Variants in MCPH1 observed in about 807,000 individuals in gnomAD.
The protein encoded by MCPH1 is microcephalin.
In MCPH1, 104 loss-of-function variants were observed where a neutral mutation model predicts 84.5. The ratio of observed to expected loss-of-function variants is 1.23; its 90% CI spans 1.05 to 1.45. The LOEUF (loss-of-function observed/expected upper bound fraction) is 1.45. Ranked by LOEUF, MCPH1 falls within the 40% of genes most tolerant of loss-of-function variation. The probability of loss-of-function intolerance (pLI) is 0.00; values close to 1 mark genes in which losing one functional copy is unlikely to be tolerated. For synonymous variants in MCPH1, 514 were observed against 366.8 expected (o/e 1.40, Z -4.58); for missense variants, 1,498 against 1,005.7 (o/e 1.49, Z -6.62).
At chr8:6,500,304 G>T (rs1811901887) in intron 12 of MCPH1, 1 of 186,642 alleles carries the variant, frequency 5.4e-6, no homozygotes, top group Non-Finnish European at 1.1e-5. Context: ...CTGGTGCTGT[G>T]ATAACAGTAT....
intron 12 of MCPH1, among the ~76,000 whole-genome samples, chr8:6,570,604 GAC>G (rs1285600317): frequency 6.6e-6 from 1 of 152,172 alleles, no homozygotes; most frequent in Non-Finnish European, 1.5e-5. Flanking sequence ...ACTTCTGTTT[GAC>G]ACAGAACCAC....
chr8:6,525,614 C>G (rs1818189152), intron 12 of MCPH1, among the ~76,000 whole-genome samples: 2 of 152,186 alleles, frequency 1.3e-5, no homozygotes, highest in African/African-American at 2.4e-5. Context: ...ATGTGAAACA[C>G]CATTTGCATA....
chr8:6,610,281 G>A (rs370638784), intron 12 of MCPH1, among the ~76,000 whole-genome samples: 8 of 152,200 alleles, frequency 5.3e-5, no homozygotes, highest in African/African-American at 1.9e-4. Context: ...TGGAAAACAC[G>A]AGCCACCTTG....
intron 3 of MCPH1, among the ~76,000 whole-genome samples, chr8:6,415,804 A>G (rs181839195): frequency 6.6e-6 from 1 of 152,068 alleles, no homozygotes; most frequent in Non-Finnish European, 1.5e-5. Context: ...GGTTCCTTGC[A>G]TTTCTATATG....
chr8:6,475,052 G>A (rs1456813914), intron 9 of MCPH1, among the ~76,000 whole-genome samples: 2 of 152,136 alleles, frequency 1.3e-5, no homozygotes, highest in East Asian at 3.9e-4. Context: ...GGAATTTTAG[G>A]AAGATTCAAT....
chr8:6,629,620 C>G (rs1320621288), intron 13 of MCPH1, among the ~76,000 whole-genome samples: 2 of 152,188 alleles, frequency 1.3e-5, no homozygotes, highest in Non-Finnish European at 2.9e-5. Context: ...ACACCTTGGT[C>G]TTGGACTTCC....
intron 12 of MCPH1, among the ~76,000 whole-genome samples, chr8:6,594,700 C>T (rs1828787044): frequency 6.6e-6 from 1 of 151,788 alleles, no homozygotes; most frequent in South Asian, 2.1e-4. Flanking sequence ...CAGGGGACTG[C>T]AGGGGACTGC....
At chr8:6,507,281 G>A (rs1431001644) in intron 12 of MCPH1, among the ~76,000 whole-genome samples, 2 of 152,138 alleles carry the variant, frequency 1.3e-5, no homozygotes, top group Non-Finnish European at 2.9e-5. Flanking sequence ...TATAAAACAT[G>A]TTGACCATAG....
At chr8:6,421,622 G>A (rs542358802) in intron 3 of MCPH1, among the ~76,000 whole-genome samples, 25 of 152,168 alleles carry the variant, frequency 1.6e-4, no homozygotes, top group African/African-American at 4.3e-4. Context: ...CATAAATACC[G>A]TTTTATTGGA....
At chr8:6,490,107 C>T (rs892684716) in intron 11 of MCPH1, among the ~76,000 whole-genome samples, 6 of 152,100 alleles carry the variant, frequency 3.9e-5, no homozygotes, top group Admixed American at 2.0e-4. Flanking sequence ...ACCTCCAGGA[C>T]GTCAACTTGG....
intron 8 of MCPH1, among the ~76,000 whole-genome samples, chr8:6,447,637 G>C (rs530508609): frequency 2.6e-5 from 4 of 151,982 alleles, no homozygotes; most frequent in Non-Finnish European, 1.5e-5. Flanking sequence ...TGCAACCTCC[G>C]CCTCCCGAGT....
chr8:6,531,800 G>A (rs368257454), intron 12 of MCPH1, among the ~76,000 whole-genome samples: 19 of 80,434 alleles, frequency 2.4e-4, no homozygotes, highest in Admixed American at 1.0e-3. Flanking sequence ...TTGCTCGGGC[G>A]TAGCACCATC....
intron 12 of MCPH1, among the ~76,000 whole-genome samples, chr8:6,610,273 G>C (rs1563185018): frequency 6.6e-6 from 1 of 152,170 alleles, no homozygotes; most frequent in Non-Finnish European, 1.5e-5. Flanking sequence ...AGGCGGTTTG[G>C]AAAACACGAG....
chr8:6,594,264 A>G (rs1459099000), intron 12 of MCPH1, among the ~76,000 whole-genome samples: 2 of 152,180 alleles, frequency 1.3e-5, no homozygotes, highest in African/African-American at 4.8e-5. Flanking sequence ...TCTTTGTGTT[A>G]GGAATGTTCA....
At position 6,475,764 on chromosome 8, in the gene MCPH1, T is replaced by A. The variant is rs184858351; in HGVS notation, c.1936-1830T>A. On this transcript the variant is annotated intron_variant, in intron 9 of 13. Coordinates refer to ENST00000344683, the MANE Select transcript of MCPH1 (RefSeq NM_024596.5). Reference sequence around the variant, plus strand: ...CAGGTTTCCTGCAGGGAGTTTTAGTTGGTGAGTTTAAAACAGGCAGCCATG... The same window carrying A: ...CAGGTTTCCTGCAGGGAGTTTTAGTAGGTGAGTTTAAAACAGGCAGCCATG... 2.1e-3 allele frequency among the ~76,000 whole-genome samples: 317 copies of A among 152,100 alleles called. 3 individuals are homozygous for A. Among genetic ancestry groups the A allele is most frequent in the African/African-American group, 7.4e-3 (306 of 41,496 alleles).
At chr8:6,618,465 T>A (rs1831085535) in intron 12 of MCPH1, 1 of 152,238 alleles carries the variant, frequency 6.6e-6, no homozygotes. Context: ...CAAAAAGGTT[T>A]ATTTACTGCT....
At chr8:6,429,754 TC>T (rs1296794835) in intron 3 of MCPH1, among the ~76,000 whole-genome samples, 1 of 151,878 alleles carries the variant, frequency 6.6e-6, no homozygotes, top group Non-Finnish European at 1.5e-5. Context: ...CCCATCTTAG[TC>T]CCCAACTGCC....
chr8:6,599,826 G>A (rs572760335), intron 12 of MCPH1, among the ~76,000 whole-genome samples: 2 of 152,288 alleles, frequency 1.3e-5, no homozygotes, highest in East Asian at 1.9e-4. Flanking sequence ...TAAAGCAAGC[G>A]GGAATTCTCT....
chr8:6,587,013 C>T (rs999090724), intron 12 of MCPH1, among the ~76,000 whole-genome samples: 6 of 151,916 alleles, frequency 3.9e-5, no homozygotes, highest in African/African-American at 1.5e-4. Flanking sequence ...GGCTTACCAC[C>T]CAGCGCTTTT....
Sources: allele counts gnomAD v4.1 joint callset (sites outside exome capture counted in the v4.1 genomes callset), GRCh38; gene constraint gnomAD v4.1.1; transcripts MANE v1.5; gene names NCBI Gene and HGNC (gene_info 2026-07-23, HGNC 2026-07-21).